The following OPHN1 variants were observed in gnomAD, a reference collection of about 807,000 sequenced individuals.
The protein encoded by OPHN1 is oligophrenin-1.
A neutral mutation model predicts 60.7 loss-of-function variants in OPHN1; 11 were observed. The observed-to-expected ratio is 0.18, with a 90% confidence interval of 0.11 to 0.30. The LOEUF (loss-of-function observed/expected upper bound fraction) is 0.30. OPHN1 is among the 10% of genes least tolerant of loss of function. The pLI is 1.00. For synonymous variants in OPHN1, 226 were observed against 222.6 expected (o/e 1.02, Z -0.14); for missense variants, 449 against 611.0 (o/e 0.73, Z 2.80).
chrX:68,161,409 T>C (rs968025802), intron 15 of OPHN1, among the ~76,000 whole-genome samples: 7 of 110,588 alleles, frequency 6.3e-5, no homozygotes, highest in African/African-American at 2.3e-4. Flanking sequence ...TCATTCAAAA[T>C]GGAGGAAAAA....
At chrX:68,103,348 C>A (rs1184386191) in intron 18 of OPHN1, among the ~76,000 whole-genome samples, 1 of 111,872 alleles carries the variant, frequency 8.9e-6, no homozygotes, top group Admixed American at 9.5e-5. Context: ...TAAAAACTCT[C>A]AATAAACTAA....
intron 15 of OPHN1, chrX:68,133,192 C>A: frequency 1.3e-6 from 1 of 775,190 alleles, no homozygotes; most frequent in Non-Finnish European, 2.0e-6. Flanking sequence ...GTCAACCTCA[C>A]TCCTCAGCAC....
At chrX:68,400,134 T>C (rs1460899958) in intron 2 of OPHN1, among the ~76,000 whole-genome samples, 2 of 111,806 alleles carry the variant, frequency 1.8e-5, no homozygotes, top group Non-Finnish European at 3.8e-5. Flanking sequence ...ATGGGAAACT[T>C]CTAGGGGGTA....
intron 16 of OPHN1, among the ~76,000 whole-genome samples, chrX:68,117,936 C>T (rs2077134357): frequency 8.9e-6 from 1 of 111,958 alleles, no homozygotes; most frequent in Non-Finnish European, 1.9e-5. Context: ...GAAGGCCTTA[C>T]AAATCTAAGA....
At chrX:68,061,141 C>A (rs887831598) in intron 21 of OPHN1, among the ~76,000 whole-genome samples, 2 of 112,147 alleles carry the variant, frequency 1.8e-5, no homozygotes, top group Non-Finnish European at 3.8e-5. Context: ...AAAGCTGCAT[C>A]GTGCCAGCCT....
chrX:68,201,790 G>A (rs778629146), intron 10 of OPHN1, 80 bp from the exon 11 acceptor site: 97 of 835,461 alleles, frequency 1.2e-4, no homozygotes, highest in Non-Finnish European at 1.6e-4. Flanking sequence ...TGTCTTCAGT[G>A]TCACTTGGAA....
chrX:68,332,094 A>G (rs1274202935), intron 2 of OPHN1, among the ~76,000 whole-genome samples: 3 of 111,822 alleles, frequency 2.7e-5, no homozygotes, highest in Non-Finnish European at 5.6e-5. Flanking sequence ...TGAAGCAAAC[A>G]TGACAGAATG....
intron 15 of OPHN1, among the ~76,000 whole-genome samples, chrX:68,135,411 T>C (rs972432429): frequency 1.2e-4 from 13 of 111,341 alleles, no homozygotes; most frequent in South Asian, 3.8e-4. Context: ...AGAGAGAGAA[T>C]AGGGTATTGG....
chrX:68,222,459 G>T (rs2077665472), intron 6 of OPHN1, among the ~76,000 whole-genome samples: 2 of 104,880 alleles, frequency 1.9e-5, no homozygotes, highest in African/African-American at 3.5e-5. Context: ...AAATCATGCT[G>T]CTATAAAGAC....
chrX:68,112,060 T>TTC, intron 17 of OPHN1, 101 bp from the exon 18 acceptor site: 1 of 367,844 alleles, frequency 2.7e-6, no homozygotes, highest in Non-Finnish European at 4.6e-6. Context: ...CATGCACACA[T>TTC]GCACACACAC....
chrX:68,258,462 G>A (rs1186655112), intron 5 of OPHN1, among the ~76,000 whole-genome samples: 15 of 88,768 alleles, frequency 1.7e-4, no homozygotes, highest in African/African-American at 6.8e-4. Flanking sequence ...CCCTTCCTGT[G>A]TCCGTGTGTT....
At chrX:68,072,109 T>C (rs1416675705) in intron 20 of OPHN1, among the ~76,000 whole-genome samples, 2 of 112,028 alleles carry the variant, frequency 1.8e-5, no homozygotes, top group Admixed American at 1.9e-4. Context: ...GGATGACTGC[T>C]GCTGCCAATT....
chrX:68,053,508 TATG>T lies in OPHN1; in HGVS notation c.2324+134_2324+136del, dbSNP rs2076860117. On this transcript the variant is annotated intron_variant, in intron 22 of 24. Coordinates refer to ENST00000355520, the MANE Select transcript of OPHN1 (RefSeq NM_002547.3). ...TGGAATACTCCCAACAGGGCTGGCCTATGATATTTCCCTAGACTATAAAGTGAA... is the reference window on the plus strand; with the variant it reads ...TGGAATACTCCCAACAGGGCTGGCCTATATTTCCCTAGACTATAAAGTGAA... The T allele has an allele frequency of 4.7e-6, 3 of 634,734 alleles. No homozygotes were observed. The Admixed American group carries it at 8.1e-5, about 17-fold the overall frequency. 52.3% of individuals were successfully genotyped at this position (634,734 alleles called of 1,213,427 possible).
At chrX:68,219,846 C>T (rs1481896083) in intron 6 of OPHN1, among the ~76,000 whole-genome samples, 1 of 102,125 alleles carries the variant, frequency 9.8e-6, no homozygotes, top group Non-Finnish European at 2.0e-5. Context: ...CCAAAATTGT[C>T]ACCCTAACAT....
Position 68,181,684 on chromosome X carries a change from C to T in OPHN1, c.1276+11235G>A, listed in dbSNP as rs754514940. On this transcript the variant is annotated intron_variant, in intron 15 of 24. Transcript: ENST00000355520. ...TACTAAAAATTTAAAAAAAATTAGC[C>T]GGGCATGGGGCCAGGTGCCCATAAT... Among the ~76,000 whole-genome samples, 98 of 111,044 alleles carry T rather than the reference C, an allele frequency of 8.8e-4. 1 individual carries two copies. The highest frequency in any genetic ancestry group is 2.7e-3 in the African/African-American group (84 of 30,557).
At chrX:68,101,026 G>A (rs1204561128) in intron 18 of OPHN1, among the ~76,000 whole-genome samples, 2 of 111,558 alleles carry the variant, frequency 1.8e-5, no homozygotes, top group South Asian at 3.8e-4. Flanking sequence ...GATTACAGGC[G>A]TGAGCCACCG....
At chrX:68,362,724 G>A (rs182545968) in intron 2 of OPHN1, among the ~76,000 whole-genome samples, 3 of 111,113 alleles carry the variant, frequency 2.7e-5, no homozygotes, top group Admixed American at 9.7e-5. Context: ...GTGGATACAT[G>A]TCACTACGCA....
chrX:68,204,476 C>T (rs893081050), intron 10 of OPHN1, among the ~76,000 whole-genome samples: 5 of 111,815 alleles, frequency 4.5e-5, no homozygotes, highest in African/African-American at 9.7e-5. Context: ...GTGTCCGGCA[C>T]ACAGCAGGTA....
At chrX:68,309,981 T>C (rs7066988) in intron 2 of OPHN1, among the ~76,000 whole-genome samples, 9,202 of 111,637 alleles carry the variant, frequency 0.082, 940 homozygotes, top group African/African-American at 0.29. Flanking sequence ...CAACTATATA[T>C]ATGATAAAAT....
Sources: gnomAD v4.1 joint callset for allele counts (sites outside exome capture counted in the v4.1 genomes callset) on GRCh38, gnomAD v4.1.1 for gene constraint, MANE v1.5 for transcripts, NCBI Gene and HGNC (gene_info 2026-07-23, HGNC 2026-07-21) for gene names.